HSPA12A: variants seen among roughly 807,000 people sequenced by gnomAD.
The protein encoded by HSPA12A is heat shock 70 kDa protein 12A.
In HSPA12A, 28 loss-of-function variants were observed where a neutral mutation model predicts 69.2. The observed-to-expected ratio is 0.40, with a 90% CI of 0.30 to 0.55. The LOEUF is 0.55. Ranked by LOEUF, HSPA12A falls within the 20% of genes least tolerant of loss-of-function variation. The probability of loss-of-function intolerance (pLI) is 0.38; values close to 1 mark genes in which losing one functional copy is unlikely to be tolerated. For missense variants in HSPA12A, 686 were observed against 900.7 expected (o/e 0.76, Z 3.05); for synonymous variants, 345 against 370.5 (o/e 0.93, Z 0.79).
rs782112808 is a variant in HSPA12A, at chr10:116,707,273, G to A, written c.53C>T (p.Thr18Ile). The change falls in exon 2 of 12, where the codon ACA becomes ATA. Residue 18 changes from threonine (T) to isoleucine (I), a missense_variant. Physicochemically the swap from Thr to Ile is moderately conservative, Grantham distance 89. Transcript: ENST00000369209. The stretch of plus-strand genomic sequence containing the variant: ...CCGGGCTGGAGATGAATATGCAGAT[G>A]TGGGAGCCGTTTCTGAAAGGAAAAA... ...GSDGPRETAP[T>I]SAYSSPARSL... 3.7e-6 allele frequency: 6 copies of A among 1,611,988 alleles called. No individual in the cohort carries two copies. Among genetic ancestry groups the A allele is most frequent in the Non-Finnish European group, 5.1e-6 (6 of 1,179,370 alleles).
chr10:116,820,513 G>A (rs564146794), intron 2 of HSPA12A, among the ~76,000 whole-genome samples: 9 of 152,128 alleles, frequency 5.9e-5, no homozygotes, highest in African/African-American at 1.7e-4. Context: ...CTCATCAGAC[G>A]TGGCCAGTCA....
chr10:116,738,059 T>A (rs1554886604), intron 1 of HSPA12A, among the ~76,000 whole-genome samples: 1 of 152,238 alleles, frequency 6.6e-6, no homozygotes. Context: ...GTTCTAATTA[T>A]GCACAGCAGT....
chr10:116,840,359 T>C (rs1249748486), intron 1 of HSPA12A, among the ~76,000 whole-genome samples: 3 of 152,204 alleles, frequency 2.0e-5, no homozygotes, highest in African/African-American at 7.2e-5. Context: ...TTCTAAAGCT[T>C]ACACATTGAT....
At chr10:116,681,639 C>T (rs782496832) in intron 8 of HSPA12A, 152 bp downstream of exon 8, 9 of 640,710 alleles carry the variant, frequency 1.4e-5, no homozygotes, top group African/African-American at 3.7e-5. Context: ...TGCAAAATTA[C>T]AGCTCCCAAA....
intron 2 of HSPA12A, among the ~76,000 whole-genome samples, chr10:116,706,079 T>C (rs1850239478): frequency 6.6e-6 from 1 of 151,830 alleles, no homozygotes; most frequent in Non-Finnish European, 1.5e-5. Flanking sequence ...TATTTTTTAG[T>C]AGAGACTGGG....
chr10:116,801,930 T>C (rs1242290222), intron 2 of HSPA12A, among the ~76,000 whole-genome samples: 2 of 152,254 alleles, frequency 1.3e-5, no homozygotes, highest in South Asian at 2.1e-4. Context: ...GTACAACCAA[T>C]GGCTGTACTA....
rs187508178 is a variant in HSPA12A at position 116,674,801 on chromosome 10, T to C, written c.2008A>G (p.Ile670Val). 8 of 1,606,486 alleles carry C rather than the reference T, an allele frequency of 5.0e-6. 1 individual carries two copies. In the East Asian group the frequency reaches 1.3e-4, roughly 27 times the overall value. The change falls in exon 12 of 12, where the codon ATC (isoleucine) becomes GTC (valine). Residue 670 changes from isoleucine (I) to valine (V), a missense_variant. Ile to Val is a conservative substitution (Grantham distance 29, BLOSUM62 3). Coordinates refer to ENST00000369209, the MANE Select transcript of HSPA12A (RefSeq NM_025015.3). The part of the protein sequence containing the change: ...IATSKSVKVG[I>V]DFLNY ...GAGGGTTAGTAATTTAAGAAGTCGA[T>C]CCCAACTTTGACACTCTTCGAAGTG... is the stretch of plus-strand genomic sequence containing the variant.
intron 2 of HSPA12A, among the ~76,000 whole-genome samples, chr10:116,755,825 CA>C (rs1843834032): frequency 7.1e-6 from 1 of 140,404 alleles, no homozygotes; most frequent in African/African-American, 2.6e-5. Flanking sequence ...AAAAAAAATA[CA>C]AAAATACAAA....
intron 2 of HSPA12A, among the ~76,000 whole-genome samples, chr10:116,754,915 C>G (rs1245166286): frequency 6.6e-6 from 1 of 152,134 alleles, no homozygotes; most frequent in Non-Finnish European, 1.5e-5. Context: ...GTTAGTCTTT[C>G]TCTTAGAAAT....
At chr10:116,833,461 T>C (rs1294979705) in intron 2 of HSPA12A, 2 of 152,186 alleles carry the variant, frequency 1.3e-5, no homozygotes, top group Non-Finnish European at 2.9e-5. Flanking sequence ...AATGTGGAAC[T>C]ACAACTTAGC....
chr10:116,687,315 C>T (rs1187938378), intron 6 of HSPA12A, among the ~76,000 whole-genome samples: 4 of 152,296 alleles, frequency 2.6e-5, no homozygotes, highest in African/African-American at 9.6e-5. Context: ...GGACCCCACT[C>T]CTGAGCAGAG....
chr10:116,816,263 CCT>C (rs748995635), intron 2 of HSPA12A, among the ~76,000 whole-genome samples: 35 of 152,212 alleles, frequency 2.3e-4, no homozygotes, highest in Non-Finnish European at 4.1e-4. Context: ...TCATCTTGCC[CCT>C]GACAGACGAG....
At chr10:116,721,723 G>T (rs914156378) in intron 1 of HSPA12A, among the ~76,000 whole-genome samples, 1 of 152,102 alleles carries the variant, frequency 6.6e-6, no homozygotes, top group Non-Finnish European at 1.5e-5. Context: ...ACTGAGCTGC[G>T]GTGGGGACAG....
chr10:116,676,700 C>A (rs1406624748), intron 10 of HSPA12A, among the ~76,000 whole-genome samples, 198 bp from the exon 11 acceptor site: 8 of 152,186 alleles, frequency 5.3e-5, no homozygotes. Flanking sequence ...AAGACATAAT[C>A]TCTTCTCTGT....
chr10:116,741,633 C>T (rs1554887167), intron 1 of HSPA12A, among the ~76,000 whole-genome samples: 1 of 152,170 alleles, frequency 6.6e-6, no homozygotes, highest in African/African-American at 2.4e-5. Flanking sequence ...GGCTCCGAAA[C>T]CTGCTCGTCC....
At chr10:116,676,981 G>A (rs1015161703) in intron 10 of HSPA12A, among the ~76,000 whole-genome samples, 2 of 152,154 alleles carry the variant, frequency 1.3e-5, no homozygotes, top group Non-Finnish European at 2.9e-5. Flanking sequence ...TGGCCCTCAC[G>A]GTCTCTGTCC....
chr10:116,730,996 C>T (rs1279366371), intron 1 of HSPA12A, among the ~76,000 whole-genome samples: 3 of 152,194 alleles, frequency 2.0e-5, no homozygotes, highest in African/African-American at 4.8e-5. Context: ...TGCTCCCAGG[C>T]GTGGGCCAGC....
intron 1 of HSPA12A, among the ~76,000 whole-genome samples, chr10:116,845,194 A>C (rs1010581022): frequency 2.0e-5 from 3 of 152,204 alleles, no homozygotes; most frequent in African/African-American, 7.2e-5. Context: ...TATGCATGAA[A>C]TTTCCATGAA....
intron 2 of HSPA12A, among the ~76,000 whole-genome samples, chr10:116,763,618 G>T (rs1554889493): frequency 6.6e-6 from 1 of 152,158 alleles, no homozygotes; most frequent in African/African-American, 2.4e-5. Context: ...TGAGGCCTTG[G>T]CCCTGGGCAA....
Sources: allele counts gnomAD v4.1 joint callset (sites outside exome capture counted in the v4.1 genomes callset), GRCh38; gene constraint gnomAD v4.1.1; transcripts MANE v1.5; gene names NCBI Gene and HGNC (gene_info 2026-07-23, HGNC 2026-07-21).